Variants in TANC2 observed in about 807,000 individuals in gnomAD.
TANC2 encodes the protein tetratricopeptide repeat, ankyrin repeat and coiled-coil containing 2.
A neutral mutation model predicts 210.5 loss-of-function variants in TANC2; 26 were observed. The ratio of observed to expected loss-of-function variants is 0.12; its 90% CI spans 0.09 to 0.17. TANC2 has a LOEUF of 0.17. Among genes scored for constraint, TANC2 ranks in the 10% least tolerant of loss-of-function variants. The probability of loss-of-function intolerance (pLI) is 1.00; values close to 1 mark genes in which losing one functional copy is unlikely to be tolerated. For synonymous variants in TANC2, 931 were observed against 967.1 expected, an observed-to-expected ratio of 0.96 and a Z score of 0.69; for missense variants, 2,129 against 2,608.9, an observed-to-expected ratio of 0.82 and a Z score of 4.01.
intron 2 of TANC2, among the ~76,000 whole-genome samples, chr17:63,056,885 T>G (rs895161419): frequency 1.3e-5 from 2 of 152,246 alleles, no homozygotes; most frequent in Admixed American, 1.3e-4. Flanking sequence ...TGTTTTGTAT[T>G]TATTTTTTCC....
chr17:63,167,134 T>G (rs2145534003), intron 5 of TANC2, among the ~76,000 whole-genome samples: 1 of 152,262 alleles, frequency 6.6e-6, no homozygotes, highest in East Asian at 1.9e-4. Context: ...TGGTTAATGG[T>G]TAGAAACTAA....
intron 1 of TANC2, among the ~76,000 whole-genome samples, chr17:62,999,139 A>G (rs1028989360): frequency 1.3e-5 from 2 of 152,128 alleles, no homozygotes; most frequent in African/African-American, 4.8e-5. Flanking sequence ...TCTTGGTGCT[A>G]CCTTTACAGT....
chr17:63,345,098 A>G (rs1567935949), intron 12 of TANC2, among the ~76,000 whole-genome samples: 1 of 152,232 alleles, frequency 6.6e-6, no homozygotes, highest in African/African-American at 2.4e-5. Context: ...ACATTCAGGT[A>G]ACCCCTTGCT....
exon 20 of TANC2, chr17:63,405,139 G>A (rs200323393): frequency 2.8e-5 from 45 of 1,612,712 alleles, no homozygotes; most frequent in East Asian, 4.5e-5. Flanking sequence ...AGCTGCAGCC[G>A]GAAGGGGCAA....
intron 12 of TANC2, among the ~76,000 whole-genome samples, chr17:63,347,883 T>G (rs1309596167): frequency 7.2e-5 from 11 of 152,168 alleles, no homozygotes; most frequent in Admixed American, 4.6e-4. Flanking sequence ...CAAGCTATCC[T>G]CCTGCCTCAG....
intron 2 of TANC2, among the ~76,000 whole-genome samples, chr17:63,051,872 G>A (rs1223909552): frequency 6.6e-6 from 1 of 152,108 alleles, no homozygotes; most frequent in East Asian, 1.9e-4. Context: ...GGTAGAGTAG[G>A]TTAAGCTATA....
chr17:63,147,318 C>T (rs1019260134), intron 4 of TANC2, among the ~76,000 whole-genome samples: 4 of 152,040 alleles, frequency 2.6e-5, no homozygotes, highest in Non-Finnish European at 4.4e-5. Flanking sequence ...CCACTGCACT[C>T]TCGCCTGGGC....
intron 9 of TANC2, among the ~76,000 whole-genome samples, chr17:63,276,984 A>G (rs994018869): frequency 6.6e-6 from 1 of 152,196 alleles, no homozygotes; most frequent in Non-Finnish European, 1.5e-5. Context: ...GGTATTGGAG[A>G]TGGCAAAGAC....
rs1204039474 is a variant in TANC2, at chr17:63,314,685, T to A, written c.1441+16T>A. 6 of 1,608,248 alleles carry A rather than the reference T, an allele frequency of 3.7e-6. No individual in the cohort carries two copies. The highest frequency in any genetic ancestry group is 2.2e-5 in the East Asian group (1 of 44,760). ...TCCCCCAAACGTACGTATTCCTTTT[T>A]AAAGAACTCCCTGTTTCATTGGCGC... On this transcript the variant is annotated intron_variant, in intron 10 of 27. Transcript: ENST00000689528.
intron 7 of TANC2, 67 bp downstream of exon 7, chr17:63,201,024 T>C (rs2041515241): frequency 9.3e-6 from 13 of 1,404,268 alleles, no homozygotes; most frequent in Non-Finnish European, 1.2e-5. Context: ...TACACAAGCT[T>C]AAGGTTTTTA....
At chr17:63,251,243 A>G (rs73325708) in intron 8 of TANC2, among the ~76,000 whole-genome samples, 3,196 of 152,268 alleles carry the variant, frequency 0.021, 104 homozygotes, top group African/African-American at 0.071. Flanking sequence ...AGGAGAACCA[A>G]TTAATTCTGA....
rs369275949 is a variant in TANC2 at position 63,254,915 on chromosome 17, G to C, written c.1034-12833G>C. Among the ~76,000 whole-genome samples the C allele has an allele frequency of 2.0e-5, 3 of 151,900 alleles. No homozygotes were observed. In the South Asian group the frequency reaches 6.2e-4, roughly 31 times the overall value. On this transcript the variant is annotated intron_variant, in intron 8 of 27. Transcript: ENST00000689528. ...AGGATTTTTGCATCAGTGTTCATCA[G>C]GAATATTGGCCTGTGGTTTTCTTGT...
chr17:63,377,206 C>T (rs1018509689), intron 14 of TANC2, among the ~76,000 whole-genome samples: 1 of 152,214 alleles, frequency 6.6e-6, no homozygotes. Context: ...TCAACGTGCC[C>T]TGGAGACATT....
intron 2 of TANC2, among the ~76,000 whole-genome samples, chr17:63,044,142 A>G (rs1466243679): frequency 6.6e-6 from 1 of 152,136 alleles, no homozygotes; most frequent in Non-Finnish European, 1.5e-5. Context: ...CTCCAAATAA[A>G]ACATGGCTTG....
At chr17:63,326,996 T>C (rs1397933496) in intron 11 of TANC2, among the ~76,000 whole-genome samples, 2 of 152,132 alleles carry the variant, frequency 1.3e-5, no homozygotes, top group Non-Finnish European at 2.9e-5. Flanking sequence ...AAGGAGTTAA[T>C]ATCTAAAATA....
At chr17:63,313,849 T>G (rs1222945584) in intron 9 of TANC2, among the ~76,000 whole-genome samples, 1 of 152,210 alleles carries the variant, frequency 6.6e-6, no homozygotes. Flanking sequence ...CAGGACTGAT[T>G]TTCAACTGAT....
At chr17:63,191,530 A>G (rs2041184510) in intron 5 of TANC2, among the ~76,000 whole-genome samples, 1 of 151,864 alleles carries the variant, frequency 6.6e-6, no homozygotes, top group South Asian at 2.1e-4. Context: ...TGACATGATC[A>G]TGGCTAACTG....
intron 9 of TANC2, among the ~76,000 whole-genome samples, chr17:63,296,196 C>A (rs2044531145): frequency 6.6e-6 from 1 of 152,018 alleles, no homozygotes; most frequent in Admixed American, 6.5e-5. Flanking sequence ...TCATCTTTTT[C>A]AGAATTCTGG....
At chr17:63,314,818 G>A (rs1309927682) in intron 10 of TANC2, 149 bp downstream of exon 10, 3 of 1,052,140 alleles carry the variant, frequency 2.9e-6, no homozygotes, top group African/African-American at 3.2e-5. Context: ...GAGAAAGATT[G>A]TAATACTCTA....
Sources: allele counts gnomAD v4.1 joint callset (sites outside exome capture counted in the v4.1 genomes callset), GRCh38; gene constraint gnomAD v4.1.1; transcripts MANE v1.5; gene names NCBI Gene and HGNC (gene_info 2026-07-23, HGNC 2026-07-21).